TARS3: variants seen among roughly 807,000 people sequenced by gnomAD.
TARS3 encodes threonyl-tRNA synthetase 3.
TARS3 carries 94 observed loss-of-function variants against 103.5 expected under a neutral mutation model. The observed-to-expected ratio is 0.91, with a 90% CI of 0.77 to 1.08. The LOEUF (loss-of-function observed/expected upper bound fraction) is 1.08. Among genes scored for constraint, TARS3 ranks in the 50% least tolerant of loss-of-function variants. The pLI is 0.00. For synonymous variants in TARS3, 416 were observed against 355.4 expected (o/e 1.17, Z -1.92); for missense variants, 952 against 995.2 (o/e 0.96, Z 0.58).
At position 101,684,059 on chromosome 15, in the gene TARS3, C is replaced by A; in HGVS notation, c.1650+16G>T. 1 of 1,606,624 alleles carries A rather than the reference C, an allele frequency of 6.2e-7. No individual in the cohort carries two copies. Among genetic ancestry groups the A allele is most frequent in the Non-Finnish European group, 8.5e-7 (1 of 1,175,648 alleles). On this transcript the variant is annotated intron_variant, in intron 12 of 18. Coordinates refer to ENST00000335968, the MANE Select transcript of TARS3 (RefSeq NM_152334.3). ...CAATTTGTGACCACACTGCTTCACTCTGTGTTATTGTTTACCTGCTCCACT... is the reference window on the plus strand; with the variant it reads ...CAATTTGTGACCACACTGCTTCACTATGTGTTATTGTTTACCTGCTCCACT...
At chr15:101,707,164 C>T (rs561993521) in intron 6 of TARS3, among the ~76,000 whole-genome samples, 21 of 152,006 alleles carry the variant, frequency 1.4e-4, no homozygotes, top group Non-Finnish European at 2.6e-4. Flanking sequence ...TTAGGATGTC[C>T]ATGATTAAAA....
rs556304869 is a variant in TARS3, at chr15:101,711,045, T to C, written c.812+835A>G. Among the ~76,000 whole-genome samples the C allele has an allele frequency of 2.0e-5, 3 of 152,308 alleles. 1 individual carries two copies. Among genetic ancestry groups the C allele is most frequent in the African/African-American group, 7.2e-5 (3 of 41,574 alleles). ...ATAGGCCTATGGAATGTGAAGCATCTGTGACACATCCCTGTCCGGCACTCA... is the reference window on the plus strand; with the variant it reads ...ATAGGCCTATGGAATGTGAAGCATCCGTGACACATCCCTGTCCGGCACTCA... On this transcript the variant is annotated intron_variant, in intron 5 of 18. Coordinates refer to ENST00000335968, the MANE Select transcript of TARS3 (RefSeq NM_152334.3).
At chr15:101,681,553 A>C (rs1898256291) in intron 12 of TARS3, among the ~76,000 whole-genome samples, 1 of 152,248 alleles carries the variant, frequency 6.6e-6, no homozygotes, top group Non-Finnish European at 1.5e-5. Flanking sequence ...TTAAATAAGA[A>C]TCATTTATTC....
At chr15:101,661,170 T>A (rs1318557498) in intron 16 of TARS3, among the ~76,000 whole-genome samples, 1 of 30,158 alleles carries the variant, frequency 3.3e-5, no homozygotes, top group Non-Finnish European at 9.8e-5. Context: ...CCACTCAAAA[T>A]TCTGCACTTT....
chr15:101,657,759 T>A (rs756277089), intron 17 of TARS3, 26 bp downstream of exon 17: 2 of 1,519,452 alleles, frequency 1.3e-6, no homozygotes, highest in African/African-American at 2.8e-5. Context: ...AAGATTATTA[T>A]GTACTTTAAA....
chr15:101,690,437 T>C (rs1279809317), intron 10 of TARS3, among the ~76,000 whole-genome samples: 2 of 152,092 alleles, frequency 1.3e-5, no homozygotes, highest in Non-Finnish European at 2.9e-5. Context: ...TTTACTGCCC[T>C]GAGATAATGC....
intron 16 of TARS3, among the ~76,000 whole-genome samples, chr15:101,659,976 G>T (rs1056197969): frequency 6.6e-6 from 1 of 152,190 alleles, no homozygotes; most frequent in African/African-American, 2.4e-5. Context: ...ATGAATGGTA[G>T]TATGCATGGG....
At chr15:101,666,474 CAA>C (rs11450994) in intron 15 of TARS3, among the ~76,000 whole-genome samples, 4 of 45,618 alleles carry the variant, frequency 8.8e-5, no homozygotes, top group African/African-American at 2.4e-4. Context: ...AGACTCATCT[CAA>C]AAAAAAAAAA....
chr15:101,724,392 G>A lies in TARS3; in HGVS notation c.-5C>T, dbSNP rs1900671294. ...CGCCAGGGCCTCGGCCGCCATCGCG[G>A]CCTCCCTCAGGCACCGACGCCGAGC... On this transcript the variant is annotated 5_prime_UTR_variant, in exon 1 of 19. Coordinates refer to ENST00000335968, the MANE Select transcript of TARS3 (RefSeq NM_152334.3). 6.8e-7 allele frequency: 1 copy of A among 1,480,348 alleles called. No homozygotes were observed. Among genetic ancestry groups the A allele is most frequent in the East Asian group, 2.7e-5 (1 of 36,418 alleles). 91.7% of individuals were successfully genotyped at this position (1,480,348 alleles called of 1,614,324 possible).
intron 1 of TARS3, 90 bp from the exon 2 acceptor site, chr15:101,723,254 C>T: frequency 1.6e-6 from 2 of 1,218,554 alleles, no homozygotes; most frequent in Non-Finnish European, 2.4e-6. Context: ...CTGCAAGTGC[C>T]CCGTGTTTAG....
Position 101,671,688 on chromosome 15 carries a change from C to T in TARS3, c.1849G>A (p.Ala617Thr), listed in dbSNP as rs762762113. The change falls in exon 14 of 19, where the codon GCA becomes ACA. Residue 617 changes from alanine (A) to threonine (T), a missense_variant. Transcript: ENST00000335968. ...CGACTCACTTTAGGGCCATAAAATG[C>T]TCCATCTCCTGGGTTCATTTTCCAC... Reference protein sequence around the residue: ...EPWKMNPGDGAFYGPKIDIKI... With the variant: ...EPWKMNPGDGTFYGPKIDIKI... 3.7e-6 allele frequency: 6 copies of T among 1,614,034 alleles called. No individual in the cohort carries two copies. The highest frequency in any genetic ancestry group is 5.1e-6 in the Non-Finnish European group (6 of 1,179,984).
chr15:101,697,896 A>C (rs1307461029), intron 10 of TARS3, among the ~76,000 whole-genome samples: 1 of 152,222 alleles, frequency 6.6e-6, no homozygotes, highest in Non-Finnish European at 1.5e-5. Context: ...TGTGGCTTTT[A>C]TCTAACCGTG....
chr15:101,662,847 TAAG>T (rs1342248628), intron 15 of TARS3, among the ~76,000 whole-genome samples: 2 of 152,240 alleles, frequency 1.3e-5, no homozygotes, highest in South Asian at 2.1e-4. Flanking sequence ...TGTCTAGACT[TAAG>T]AAGAGCAAAT....
At chr15:101,671,461 A>G (rs755781775) in intron 15 of TARS3, 25 bp downstream of exon 15, 116 of 1,535,670 alleles carry the variant, frequency 7.6e-5, no homozygotes, top group Non-Finnish European at 9.9e-5. Flanking sequence ...TAGTACTATA[A>G]TATTTATCAC....
At chr15:101,702,410 A>G (rs1899329543) in intron 8 of TARS3, 25 bp from the exon 9 acceptor site, 1 of 1,597,492 alleles carries the variant, frequency 6.3e-7, no homozygotes, top group South Asian at 1.1e-5. Flanking sequence ...GGATTTTGGT[A>G]AATATATCAT....
chr15:101,660,927 T>G (rs1897351608), intron 16 of TARS3, among the ~76,000 whole-genome samples: 1 of 152,362 alleles, frequency 6.6e-6, no homozygotes, highest in East Asian at 1.9e-4. Flanking sequence ...ACCACCTCTG[T>G]TGGCCCATTC....
At chr15:101,719,927 G>A (rs986700565) in intron 3 of TARS3, among the ~76,000 whole-genome samples, 1 of 152,200 alleles carries the variant, frequency 6.6e-6, no homozygotes, top group African/African-American at 2.4e-5. Context: ...GGGGTTTGAG[G>A]TGGGATCCCC....
intron 10 of TARS3, 121 bp from the exon 11 acceptor site, chr15:101,686,183 T>C: frequency 3.5e-6 from 3 of 851,858 alleles, no homozygotes; most frequent in South Asian, 4.2e-5. Context: ...TCATGATTAA[T>C]GTACCCTCAG....
At chr15:101,707,186 C>T (rs981757646) in intron 6 of TARS3, among the ~76,000 whole-genome samples, 1 of 151,850 alleles carries the variant, frequency 6.6e-6, no homozygotes, top group Non-Finnish European at 1.5e-5. Context: ...AAAAACAAAA[C>T]AAGTGTTGGC....
Sources: allele counts gnomAD v4.1 joint callset (sites outside exome capture counted in the v4.1 genomes callset), GRCh38; gene constraint gnomAD v4.1.1; transcripts MANE v1.5; gene names NCBI Gene and HGNC (gene_info 2026-07-23, HGNC 2026-07-21).